The following CEP104 variants were observed in gnomAD, a reference collection of about 807,000 sequenced individuals.
CEP104 encodes the protein centrosomal protein 104.
CEP104 carries 84 observed loss-of-function variants against 113.3 expected under a neutral mutation model. That is an observed-to-expected ratio of 0.74 (90% CI 0.62 to 0.89). The LOEUF is 0.89. Ranked by LOEUF, CEP104 falls within the 40% of genes least tolerant of loss-of-function variation. CEP104 has a pLI of 0.00. For missense variants in CEP104, 1,053 were observed against 1,156.6 expected (o/e 0.91, Z 1.30); for synonymous variants, 378 against 421.7 (o/e 0.90, Z 1.27).
intron 18 of CEP104, among the ~76,000 whole-genome samples, chr1:3,824,876 G>C (rs1309899475): frequency 2.8e-5 from 4 of 140,536 alleles, no homozygotes; most frequent in African/African-American, 8.2e-5. Flanking sequence ...CGTGGGAAGG[G>C]CGGCAGTGGC....
chr1:3,820,108 T>C (rs896864771), intron 20 of CEP104, among the ~76,000 whole-genome samples: 1 of 152,108 alleles, frequency 6.6e-6, no homozygotes, highest in Non-Finnish European at 1.5e-5. Context: ...GCAGTGCAGA[T>C]AATGAGATAC....
chr1:3,845,072 GTC>G (rs1644483561), intron 5 of CEP104, 89 bp from the exon 6 acceptor site: 2 of 1,180,368 alleles, frequency 1.7e-6, no homozygotes, highest in Non-Finnish European at 1.3e-6. Flanking sequence ...ATATAAAGCT[GTC>G]AGCAAGGTTC....
At chr1:3,851,157 G>A (rs999796684) in intron 2 of CEP104, among the ~76,000 whole-genome samples, 7 of 152,102 alleles carry the variant, frequency 4.6e-5, no homozygotes, top group African/African-American at 7.2e-5. Context: ...CAGGACGCTG[G>A]CTCGCCTGCA....
At chr1:3,829,429 T>G in intron 14 of CEP104, 56 bp from the exon 15 acceptor site, 1 of 1,277,706 alleles carries the variant, frequency 7.8e-7, no homozygotes. Flanking sequence ...TCTTAGAAAC[T>G]GGGAGACAAA....
At chr1:3,854,556 T>C (rs12023762) in intron 1 of CEP104, among the ~76,000 whole-genome samples, 49,470 of 149,640 alleles carry the variant, frequency 0.33, 9,611 homozygotes, top group Admixed American at 0.45. Flanking sequence ...GTAACCTCTG[T>C]CTCCCTGGTT....
At chr1:3,834,732 AC>A (rs1644277394) in intron 11 of CEP104, among the ~76,000 whole-genome samples, 192 bp downstream of exon 11, 1 of 152,212 alleles carries the variant, frequency 6.6e-6, no homozygotes, top group Non-Finnish European at 1.5e-5. Flanking sequence ...GATTTCCCAG[AC>A]CCTTCATGTA....
intron 20 of CEP104, among the ~76,000 whole-genome samples, chr1:3,820,927 G>A (rs1643959983): frequency 1.3e-5 from 2 of 152,232 alleles, no homozygotes; most frequent in Admixed American, 6.5e-5. Flanking sequence ...TGTAAGAAAG[G>A]AGACACAGAT....
At chr1:3,852,915 T>C (rs75410905) in intron 1 of CEP104, among the ~76,000 whole-genome samples, 82,129 of 152,130 alleles carry the variant, frequency 0.54, 24,636 homozygotes, top group Non-Finnish European at 0.68. Flanking sequence ...CAAGGACGGC[T>C]GAGGATGGCC....
In CEP104 at chr1:3,819,180, C is replaced by T. The variant is rs560560020; in HGVS notation, c.2572-2810G>A. The stretch of plus-strand genomic sequence containing the variant: ...GAAGTGCTACTGATCTATTAGAACC[C>T]GGGCGAACCTTGAAAACACGTTAAG... On this transcript the variant is annotated intron_variant, in intron 20 of 21. Transcript: ENST00000378230. The surrounding 1 kb of genome is among the most constrained non-coding windows in gnomAD (Gnocchi z 4.6). 9.9e-5 allele frequency among the ~76,000 whole-genome samples: 15 copies of T among 152,272 alleles called. No homozygotes were observed. The highest frequency in any genetic ancestry group is 2.6e-4 in the African/African-American group (11 of 41,550).
At chr1:3,817,431 C>G (rs1643896468) in intron 20 of CEP104, among the ~76,000 whole-genome samples, 2 of 152,200 alleles carry the variant, frequency 1.3e-5, no homozygotes, top group African/African-American at 2.4e-5. Context: ...AGCCCTGCTT[C>G]TCCCTGGTTC....
chr1:3,822,132 C>T (rs746504517), intron 20 of CEP104, among the ~76,000 whole-genome samples: 5 of 152,044 alleles, frequency 3.3e-5, no homozygotes, highest in South Asian at 2.1e-4. Context: ...TTGCTAGTTG[C>T]GCAAGCTCAG....
rs1570814075 is a variant in CEP104 at position 3,837,553 on chromosome 1, G to A, written c.892-34C>T. ...CAAAAAGGAACATTTAATTTCAAAT[G>A]CCACTGCCACGCCAGATATATCTAT... On this transcript the variant is annotated intron_variant, in intron 8 of 21. Transcript: ENST00000378230. The A allele has an allele frequency of 2.6e-6, 4 of 1,541,540 alleles. No individual in the cohort carries two copies. The East Asian group carries it at 9.0e-5, about 35-fold the overall frequency.
intron 10 of CEP104, 106 bp downstream of exon 10, chr1:3,836,389 C>T (rs546031782): frequency 8.2e-5 from 93 of 1,134,604 alleles, no homozygotes; most frequent in Admixed American, 1.4e-4. Flanking sequence ...AATGCAAAGC[C>T]GTGGGCGTTT....
intron 10 of CEP104, among the ~76,000 whole-genome samples, chr1:3,836,137 T>TA (rs979944736): frequency 3.3e-4 from 50 of 151,092 alleles, no homozygotes; most frequent in Non-Finnish European, 3.7e-4. Context: ...CTATCTCTAC[T>TA]AAAAAAAAAT....
chr1:3,833,078 G>A (rs866509317), intron 12 of CEP104, among the ~76,000 whole-genome samples: 2 of 150,902 alleles, frequency 1.3e-5, no homozygotes, highest in Admixed American at 1.3e-4. Flanking sequence ...TCTGCCTCCC[G>A]GGTTCGATTC....
At position 3,831,146 on chromosome 1, in the gene CEP104, G is replaced by C. The variant is rs568192558; in HGVS notation, c.1736C>G (p.Ser579Cys). 6.2e-7 allele frequency: 1 copy of C among 1,614,232 alleles called. No homozygotes were observed. Among genetic ancestry groups the C allele is most frequent in the South Asian group, 1.1e-5 (1 of 91,088 alleles). ...CTGACTCATTGCCAGGTGAACTGAAGAGTTTGCTTTCAATGGCTGCACCAG... is the reference window on the plus strand; with the variant it reads ...CTGACTCATTGCCAGGTGAACTGAACAGTTTGCTTTCAATGGCTGCACCAG... ...SYLVQPLKAN[S>C]SVHLAMSQMG... The change falls in exon 13 of 22, where the codon TCT (serine) becomes TGT (cysteine). Residue 579 changes from serine to cysteine, a missense_variant. Transcript: ENST00000378230.
intron 6 of CEP104, among the ~76,000 whole-genome samples, chr1:3,841,930 G>A (rs933062197): frequency 1.3e-5 from 2 of 152,228 alleles, no homozygotes; most frequent in African/African-American, 4.8e-5. Context: ...CGGTCTTTGT[G>A]GAGAGGCTGG....
rs1469694032 is a variant in CEP104 at position 3,813,302 on chromosome 1, G to A, written c.*2100C>T. 3 of 150,252 alleles carry A rather than the reference G, an allele frequency of 2.0e-5. No individual in the cohort carries two copies. Among genetic ancestry groups the A allele is most frequent in the African/African-American group, 7.4e-5 (3 of 40,812 alleles). The allele number at this position is 150,252 out of a possible 1,614,324, so 9.3% of individuals were successfully genotyped here. A position where few individuals can be genotyped will look rare whatever the true frequency, so the allele number is the denominator to read the frequency against. On this transcript the variant is annotated 3_prime_UTR_variant, in exon 22 of 22. Transcript: ENST00000378230. Reference sequence around the variant, plus strand: ...GTCTCGCTCTGTCGCCTGGGCTGGAGTGCAATGGCATGATGTGGGCTCAAT... The same window carrying A: ...GTCTCGCTCTGTCGCCTGGGCTGGAATGCAATGGCATGATGTGGGCTCAAT...
chr1:3,841,477 T>A (rs1644411756), intron 6 of CEP104, among the ~76,000 whole-genome samples: 1 of 152,234 alleles, frequency 6.6e-6, no homozygotes, highest in African/African-American at 2.4e-5. Flanking sequence ...ACACTTTAAG[T>A]CACGTTGCCT....
Sources: gnomAD v4.1 joint callset for allele counts (sites outside exome capture counted in the v4.1 genomes callset) on GRCh38, gnomAD v4.1.1 for gene constraint, Gnocchi (gnomAD v3.1) non-coding constraint, MANE v1.5 for transcripts, NCBI Gene and HGNC (gene_info 2026-07-23, HGNC 2026-07-21) for gene names.